Variants in SCTR observed in about 807,000 individuals in gnomAD.
SCTR encodes the protein pancreatic secretin receptor.
In SCTR, 56 loss-of-function variants were observed where a neutral mutation model predicts 60.8. The observed-to-expected ratio is 0.92, with a 90% CI of 0.74 to 1.15. SCTR has a LOEUF of 1.15. Among genes scored for constraint, SCTR ranks in the 50% most tolerant of loss-of-function variants. SCTR has a pLI of 0.00. For synonymous variants in SCTR, 202 were observed against 217.0 expected (o/e 0.93, Z 0.61); for missense variants, 562 against 550.4 (o/e 1.02, Z -0.21).
intron 9 of SCTR, among the ~76,000 whole-genome samples, chr2:119,450,753 C>T (rs531518254): frequency 4.0e-4 from 61 of 151,810 alleles, no homozygotes; most frequent in African/African-American, 6.8e-4. Context: ...GCAGATCACT[C>T]GAGTCCAGGA....
intron 4 of SCTR, among the ~76,000 whole-genome samples, chr2:119,466,224 T>C (rs936390395): frequency 6.6e-6 from 1 of 152,174 alleles, no homozygotes; most frequent in East Asian, 1.9e-4. Flanking sequence ...GAGAAAGTTA[T>C]TTGGTGTAAA....
chr2:119,504,705 G>T (rs1358941045), intron 1 of SCTR, among the ~76,000 whole-genome samples: 1 of 152,056 alleles, frequency 6.6e-6, no homozygotes, highest in African/African-American at 2.4e-5. Context: ...ATCCATATAA[G>T]AAAAGATTGA....
At chr2:119,460,584 C>G (rs989421474) in intron 7 of SCTR, among the ~76,000 whole-genome samples, 3 of 152,142 alleles carry the variant, frequency 2.0e-5, no homozygotes, top group Admixed American at 6.5e-5. Context: ...TACGTTGTGT[C>G]TGTGAGCTGA....
At chr2:119,483,522 G>A (rs1186263134) in intron 2 of SCTR, among the ~76,000 whole-genome samples, 1 of 152,144 alleles carries the variant, frequency 6.6e-6, no homozygotes, top group Non-Finnish European at 1.5e-5. Context: ...CCCAGCCCTG[G>A]CTCCAGCGTC....
intron 1 of SCTR, among the ~76,000 whole-genome samples, chr2:119,519,171 T>G (rs1186310395): frequency 6.6e-6 from 1 of 152,080 alleles, no homozygotes; most frequent in African/African-American, 2.4e-5. Flanking sequence ...TCCATGTTGG[T>G]CGGACTGGTC....
At position 119,461,990 on chromosome 2, in the gene SCTR, T is replaced by G; in HGVS notation, c.647A>C (p.Lys216Thr). 1 of 1,603,934 alleles carries G rather than the reference T, an allele frequency of 6.2e-7. No homozygotes were observed. Among genetic ancestry groups the G allele is most frequent in the Non-Finnish European group, 8.5e-7 (1 of 1,175,022 alleles). Residue 216 changes from lysine (K) to threonine (T), a missense_variant, in exon 7 of 13, where the codon AAG (lysine) becomes ACG (threonine). Lys to Thr is a moderately conservative substitution (Grantham distance 78). Transcript: ENST00000019103. Reference sequence around the variant, plus strand: ...GTACTGGAACAGCACCATGACCAGCTTGCAGCCCGCCTGGAGAGAGAGAGG... The same window carrying G: ...GTACTGGAACAGCACCATGACCAGCGTGCAGCCCGCCTGGAGAGAGAGAGG... ...TYCDAHRAGC[K>T]LVMVLFQYCI...
intron 1 of SCTR, among the ~76,000 whole-genome samples, chr2:119,522,410 G>T (rs1403651664): frequency 6.6e-6 from 1 of 152,194 alleles, no homozygotes. Flanking sequence ...GTTAAGTGGG[G>T]TATGTGGGGC....
chr2:119,521,426 T>C (rs1182974731), intron 1 of SCTR, among the ~76,000 whole-genome samples: 1 of 152,106 alleles, frequency 6.6e-6, no homozygotes, highest in Non-Finnish European at 1.5e-5. Context: ...TGAGTCTCCA[T>C]GTTCAAGTTC....
intron 6 of SCTR, 81 bp from the exon 7 acceptor site, chr2:119,462,081 G>C (rs1683633808): frequency 2.2e-6 from 3 of 1,384,810 alleles, no homozygotes; most frequent in Middle Eastern, 2.6e-4. Flanking sequence ...GGAGCAACAG[G>C]GTGTTGTAGG....
rs1452446100 is a variant in SCTR, at chr2:119,478,697, G to A, written c.301+114C>T. The A allele has an allele frequency of 4.7e-6, 4 of 842,680 alleles. No homozygotes were observed. In the African/African-American group the frequency reaches 6.8e-5, roughly 14 times the overall value. The allele number at this position is 842,680 out of a possible 1,614,324, so 52.2% of individuals were successfully genotyped here. A position where few individuals can be genotyped will look rare whatever the true frequency, so the allele number is the denominator to read the frequency against. On this transcript the variant is annotated intron_variant, in intron 3 of 12. Coordinates refer to ENST00000019103, the MANE Select transcript of SCTR (RefSeq NM_002980.3). ...CTTTGCAGTGATCTCCCCCATCATTGTACCCATACTTGTCCTCAGAGAAGG... is the reference window on the plus strand; with the variant it reads ...CTTTGCAGTGATCTCCCCCATCATTATACCCATACTTGTCCTCAGAGAAGG...
intron 3 of SCTR, among the ~76,000 whole-genome samples, chr2:119,477,325 G>C (rs1304856016): frequency 6.6e-6 from 1 of 152,212 alleles, no homozygotes; most frequent in Non-Finnish European, 1.5e-5. Context: ...CTCTCCGCCA[G>C]TCAGCCTGGA....
rs116195105 is a variant in SCTR, at chr2:119,520,650, T to C, written c.72+3505A>G. ...CCAGAGCCTGTACTTGGAATTTTTATATTTCTTAGCCATCAACTGAGGAGG... is the reference window on the plus strand; with the variant it reads ...CCAGAGCCTGTACTTGGAATTTTTACATTTCTTAGCCATCAACTGAGGAGG... On this transcript the variant is annotated intron_variant, in intron 1 of 12. Transcript: ENST00000019103. Among the ~76,000 whole-genome samples, 868 of 152,244 alleles carry C rather than the reference T, an allele frequency of 5.7e-3. 1 individual carries two copies. The highest frequency in any genetic ancestry group is 0.02 in the African/African-American group (816 of 41,538).
chr2:119,502,215 G>A (rs777979106), intron 1 of SCTR, among the ~76,000 whole-genome samples: 3 of 152,134 alleles, frequency 2.0e-5, no homozygotes, highest in Non-Finnish European at 4.4e-5. Context: ...TTGCACCACT[G>A]CTCTCCAGAC....
intron 2 of SCTR, among the ~76,000 whole-genome samples, chr2:119,492,638 C>G (rs1678174691): frequency 6.6e-6 from 1 of 152,052 alleles, no homozygotes; most frequent in Non-Finnish European, 1.5e-5. Flanking sequence ...ATTGTGGAAA[C>G]ATCACCTCTA....
chr2:119,520,512 G>C (rs1679256050), intron 1 of SCTR, among the ~76,000 whole-genome samples: 1 of 152,192 alleles, frequency 6.6e-6, no homozygotes, highest in Admixed American at 6.5e-5. Context: ...GGCAACGCTT[G>C]CAGGCCTTTC....
chr2:119,516,230 G>C (rs1489047273), intron 1 of SCTR, among the ~76,000 whole-genome samples: 1 of 152,166 alleles, frequency 6.6e-6, no homozygotes, highest in African/African-American at 2.4e-5. Context: ...AAACCCAAAG[G>C]AAATGAAATC....
At chr2:119,519,597 G>A (rs1679222494) in intron 1 of SCTR, among the ~76,000 whole-genome samples, 1 of 151,742 alleles carries the variant, frequency 6.6e-6, no homozygotes, top group African/African-American at 2.4e-5. Context: ...ACGAGGTCAG[G>A]AGTTCAAGAC....
At chr2:119,446,731 G>T in intron 11 of SCTR, 28 bp downstream of exon 11, 1 of 1,461,928 alleles carries the variant, frequency 6.8e-7, no homozygotes, top group Non-Finnish European at 9.1e-7. Context: ...CCTCTTTTCA[G>T]CTGGCAGCCC....
chr2:119,477,943 T>C (rs1677408369), intron 3 of SCTR, among the ~76,000 whole-genome samples: 1 of 152,202 alleles, frequency 6.6e-6, no homozygotes, highest in African/African-American at 2.4e-5. Flanking sequence ...CCCAAATATG[T>C]GTGTGTGTGC....
Sources: gnomAD v4.1 joint callset for allele counts (sites outside exome capture counted in the v4.1 genomes callset) on GRCh38, gnomAD v4.1.1 for gene constraint, MANE v1.5 for transcripts, NCBI Gene and HGNC (gene_info 2026-07-23, HGNC 2026-07-21) for gene names.